Variants in TAOK1 observed in about 807,000 individuals in gnomAD.
The protein encoded by TAOK1 is TAO kinase 1.
In TAOK1, 21 loss-of-function variants were observed where a neutral mutation model predicts 138.3. The ratio of observed to expected loss-of-function variants is 0.15; its 90% CI spans 0.11 to 0.22. The LOEUF (loss-of-function observed/expected upper bound fraction) is 0.22, where lower values mean the gene tolerates loss of function less well. Ranked by LOEUF, TAOK1 falls within the 10% of genes least tolerant of loss-of-function variation. TAOK1 has a pLI of 1.00. For missense variants in TAOK1, 651 were observed against 1,227.7 expected, an observed-to-expected ratio of 0.53 and a Z score of 7.02; for synonymous variants, 361 against 398.4, an observed-to-expected ratio of 0.91 and a Z score of 1.12.
chr17:29,532,942 C>G (rs371608846), intron 18 of TAOK1, among the ~76,000 whole-genome samples: 1 of 135,422 alleles, frequency 7.4e-6, no homozygotes, highest in African/African-American at 2.7e-5. Context: ...GGGGGGCTGA[C>G]CCCCCCACCT....
intron 19 of TAOK1, among the ~76,000 whole-genome samples, chr17:29,537,341 A>G (rs1047764366): frequency 1.3e-5 from 2 of 152,026 alleles, no homozygotes; most frequent in African/African-American, 4.8e-5. Context: ...TTGGGTGTAT[A>G]TATACTTGTT....
chr17:29,470,442 A>G (rs1472491664), intron 3 of TAOK1, among the ~76,000 whole-genome samples: 2 of 152,194 alleles, frequency 1.3e-5, no homozygotes, highest in African/African-American at 4.8e-5. Context: ...GAATTACTTC[A>G]TTTGAGTTAA....
chr17:29,539,911 C>A (rs888432866), intron 19 of TAOK1, among the ~76,000 whole-genome samples: 1 of 151,962 alleles, frequency 6.6e-6, no homozygotes, highest in African/African-American at 2.4e-5. Flanking sequence ...TAGAATGTGG[C>A]AAAATATAAT....
chr17:29,436,278 A>G (rs937691730), intron 1 of TAOK1, among the ~76,000 whole-genome samples: 1 of 152,214 alleles, frequency 6.6e-6, no homozygotes, highest in African/African-American at 2.4e-5. Context: ...ACCTTACTCA[A>G]TTATTAAAGG....
chr17:29,497,693 C>G (rs924866703), intron 11 of TAOK1, among the ~76,000 whole-genome samples: 1 of 147,430 alleles, frequency 6.8e-6, no homozygotes, highest in East Asian at 1.9e-4. Flanking sequence ...ATCTAGAGTT[C>G]CCCAAAAACC....
At chr17:29,440,537 A>G (rs911440024) in intron 1 of TAOK1, among the ~76,000 whole-genome samples, 6 of 152,094 alleles carry the variant, frequency 3.9e-5, no homozygotes, top group African/African-American at 7.2e-5. Context: ...GATACTTATC[A>G]TATACTGTAA....
At chr17:29,413,771 G>A (rs72821418) in intron 1 of TAOK1, among the ~76,000 whole-genome samples, 6,242 of 151,648 alleles carry the variant, frequency 0.041, 202 homozygotes, top group South Asian at 0.1. Context: ...CCTCTCTTCC[G>A]TCTCTGATAA....
intron 8 of TAOK1, among the ~76,000 whole-genome samples, chr17:29,486,544 G>A (rs528691566): frequency 1.8e-4 from 28 of 152,016 alleles, no homozygotes; most frequent in Admixed American, 2.6e-4. Context: ...GAGGCAGGAG[G>A]ATCTCTTGAA....
intron 3 of TAOK1, 28 bp from the exon 4 acceptor site, chr17:29,475,642 T>C: frequency 6.8e-7 from 1 of 1,472,118 alleles, no homozygotes; most frequent in Non-Finnish European, 9.4e-7. Flanking sequence ...GTCCTGTTCA[T>C]AATTCTTTAC....
intron 1 of TAOK1, among the ~76,000 whole-genome samples, chr17:29,444,007 T>TG (rs2030012803): frequency 6.6e-6 from 1 of 151,584 alleles, no homozygotes. Context: ...CCCAGCTACA[T>TG]GGGAGGCTGA....
chr17:29,422,384 T>A (rs1905479096), intron 1 of TAOK1, among the ~76,000 whole-genome samples: 1 of 151,320 alleles, frequency 6.6e-6, no homozygotes, highest in Admixed American at 6.6e-5. Flanking sequence ...TTTTTTTTTT[T>A]TGTATTTTTA....
At chr17:29,532,801 C>G (rs1254059826) in intron 18 of TAOK1, among the ~76,000 whole-genome samples, 2 of 152,016 alleles carry the variant, frequency 1.3e-5, no homozygotes, top group South Asian at 4.1e-4. Flanking sequence ...TACCTTTCCC[C>G]CCTTTCTATT....
At position 29,480,517 on chromosome 17, in the gene TAOK1, GTGTC is replaced by G. The variant is rs553851015; in HGVS notation, c.563+42_563+45del. 1.4e-4 allele frequency: 221 copies of G among 1,525,134 alleles called. 1 individual carries two copies. The African/African-American group carries it at 2.1e-3, about 15-fold the overall frequency. 94.5% of individuals were successfully genotyped at this position (1,525,134 alleles called of 1,614,324 possible). On this transcript the variant is annotated intron_variant, in intron 7 of 19. Transcript: ENST00000261716. ...TTAAAGCAGTCAGCAGCTGTTTTAAGTGTCTGTCTATGTTTAACATGAAATACAA... is the reference window on the plus strand; with the variant it reads ...TTAAAGCAGTCAGCAGCTGTTTTAAGTGTCTATGTTTAACATGAAATACAA...
intron 1 of TAOK1, among the ~76,000 whole-genome samples, chr17:29,397,687 G>GTATGATACATGTATATA (rs1904687438): frequency 4.2e-5 from 3 of 71,056 alleles, no homozygotes; most frequent in African/African-American, 1.7e-4. Context: ...ATGTATACAT[G>GTATGATACATGTATATA]TATATTCATG....
intron 2 of TAOK1, among the ~76,000 whole-genome samples, chr17:29,464,594 A>G (rs1412225723): frequency 1.3e-5 from 2 of 152,184 alleles, no homozygotes; most frequent in Non-Finnish European, 2.9e-5. Context: ...AAGCTGTTAT[A>G]TGACCTTTTA....
At chr17:29,475,171 C>T (rs1220501236) in intron 3 of TAOK1, among the ~76,000 whole-genome samples, 1 of 152,150 alleles carries the variant, frequency 6.6e-6, no homozygotes, top group African/African-American at 2.4e-5. Flanking sequence ...AATCTCCTGA[C>T]CTTGTGATCC....
intron 14 of TAOK1, among the ~76,000 whole-genome samples, chr17:29,510,094 A>C (rs1265630130): frequency 6.6e-6 from 1 of 150,906 alleles, no homozygotes; most frequent in Non-Finnish European, 1.5e-5. Context: ...AAAAAATTAG[A>C]GGCCGGGCAT....
chr17:29,474,918 G>GTA (rs1432573534), intron 3 of TAOK1, among the ~76,000 whole-genome samples: 1 of 151,298 alleles, frequency 6.6e-6, no homozygotes, highest in Non-Finnish European at 1.5e-5. Flanking sequence ...AGATATGCCT[G>GTA]TATATGAATG....
At chr17:29,529,063 C>T (rs992446816) in intron 17 of TAOK1, among the ~76,000 whole-genome samples, 6 of 150,790 alleles carry the variant, frequency 4.0e-5, no homozygotes, top group Admixed American at 6.6e-5. Context: ...CCTTGAACTC[C>T]TGGGCTCAAG....
Sources: gnomAD v4.1 joint callset for allele counts (sites outside exome capture counted in the v4.1 genomes callset) on GRCh38, gnomAD v4.1.1 for gene constraint, MANE v1.5 for transcripts, NCBI Gene and HGNC (gene_info 2026-07-23, HGNC 2026-07-21) for gene names.